IL4I1: variants seen among roughly 807,000 people sequenced by gnomAD.
IL4I1 encodes L-amino-acid oxidase.
In IL4I1, 24 loss-of-function variants were observed where a neutral mutation model predicts 29.7. That is an observed-to-expected ratio of 0.81 (90% confidence interval 0.59 to 1.14). The LOEUF (loss-of-function observed/expected upper bound fraction) is 1.14, where lower values mean the gene tolerates loss of function less well. Ranked by LOEUF, IL4I1 falls within the 50% of genes most tolerant of loss-of-function variation. The pLI is 0.00. For synonymous variants in IL4I1, 371 were observed against 352.5 expected, an observed-to-expected ratio of 1.05 and a Z score of -0.59; for missense variants, 686 against 785.6, an observed-to-expected ratio of 0.87 and a Z score of 1.52.
chr19:49,920,333 G>A (rs939635189), intron 2 of IL4I1, among the ~76,000 whole-genome samples: 10 of 152,130 alleles, frequency 6.6e-5, no homozygotes, highest in African/African-American at 1.2e-4. Context: ...CGCCCACCTC[G>A]GTCTCCCAAG....
intron 2 of IL4I1, among the ~76,000 whole-genome samples, chr19:49,906,400 C>T (rs959455130): frequency 2.0e-5 from 3 of 152,154 alleles, no homozygotes; most frequent in Non-Finnish European, 2.9e-5. Flanking sequence ...TTTATAGAGA[C>T]GGGGTTTCAC....
chr19:49,894,229 G>A, intron 5 of IL4I1, 39 bp downstream of exon 5: 2 of 1,588,434 alleles, frequency 1.3e-6, no homozygotes, highest in Non-Finnish European at 1.7e-6. Context: ...GAGGAGGACA[G>A]AGAAGTCAGG....
At chr19:49,923,407 G>A (rs2075810768) in intron 2 of IL4I1, among the ~76,000 whole-genome samples, 1 of 152,218 alleles carries the variant, frequency 6.6e-6, no homozygotes. Context: ...ACAGGGCGGG[G>A]GGTTGTGGGG....
chr19:49,890,268 A>G lies in IL4I1; in HGVS notation c.1106T>C (p.Ile369Thr), dbSNP rs1381996665. 7.6e-6 allele frequency: 12 copies of G among 1,587,232 alleles called. No individual in the cohort carries two copies. Among genetic ancestry groups the G allele is most frequent in the Non-Finnish European group, 1.0e-5 (12 of 1,167,656 alleles). The change falls in exon 8 of 8, where the codon ATT (isoleucine) becomes ACT (threonine). Residue 369 changes from isoleucine (I) to threonine (T), a missense_variant. Transcript: ENST00000391826. ...FRRPFWREEH[I>T]EGGHSNTDRP... ...ATCGGTGTTTGAGTGGCCGCCTTCA[A>G]TGTGCTCCTCGCGCCAGAAGGGCCT...
At chr19:49,915,319 A>C (rs1350217603) in intron 2 of IL4I1, among the ~76,000 whole-genome samples, 1 of 152,184 alleles carries the variant, frequency 6.6e-6, no homozygotes, top group Non-Finnish European at 1.5e-5. Context: ...GGGGTTCTTC[A>C]GGGAGGCAGG....
At chr19:49,912,343 A>G (rs186168838) in intron 2 of IL4I1, among the ~76,000 whole-genome samples, 605 of 151,958 alleles carry the variant, frequency 4.0e-3, no homozygotes, top group Non-Finnish European at 6.3e-3. Context: ...TAATTTTTGT[A>G]TTTTTAGTAG....
Position 49,889,784 on chromosome 19 carries a change from C to A in IL4I1, c.1590G>T (p.Val530=). ...GCGAGGGGCTGCTGGCCACCCCATG[C>A]ACATGCCCCTGCCCCTCCATGTCAG... The part of the protein sequence containing the change: ...HASDMEGQGH[V]HGVASSPSHD... The change falls in exon 8 of 8, where the codon GTG becomes GTT. Residue 530 remains valine, a synonymous_variant. Coordinates refer to ENST00000391826, the MANE Select transcript of IL4I1 (RefSeq NM_152899.2). 2 of 1,536,312 alleles carry A rather than the reference C, an allele frequency of 1.3e-6. No individual in the cohort carries two copies. Among genetic ancestry groups the A allele is most frequent in the Non-Finnish European group, 1.8e-6 (2 of 1,141,490 alleles).
rs532743748 is a variant in IL4I1 at position 49,919,602 on chromosome 19, T to G, written c.-228+8092A>C. On this transcript the variant is annotated intron_variant, in intron 2 of 9. Coordinates refer to the IL4I1 transcript ENST00000341114. Reference sequence around the variant, plus strand: ...TTCAACCTTCTCTCCTGCTTTCCCCTGAAGTCACCTGACGGCTAATTAGCA... The same window carrying G: ...TTCAACCTTCTCTCCTGCTTTCCCCGGAAGTCACCTGACGGCTAATTAGCA... 2.0e-5 allele frequency among the ~76,000 whole-genome samples: 3 copies of G among 152,284 alleles called. No homozygotes were observed. The East Asian group carries it at 5.8e-4, about 29-fold the overall frequency.
intron 2 of IL4I1, among the ~76,000 whole-genome samples, chr19:49,915,458 C>A (rs1375453146): frequency 6.6e-6 from 1 of 152,182 alleles, no homozygotes; most frequent in Non-Finnish European, 1.5e-5. Context: ...AGGACATAGC[C>A]TCTCCCCTAG....
At chr19:49,898,171 A>C (rs2075235803), upstream of IL4I1, among the ~76,000 whole-genome samples, 1 of 151,942 alleles carries the variant, frequency 6.6e-6, no homozygotes, top group African/African-American at 2.4e-5. Flanking sequence ...AAATATAAAA[A>C]TTAGCCGGGC....
In IL4I1 at chr19:49,890,456, C is replaced by G; in HGVS notation, c.918G>C (p.Pro306=). Residue 306 remains proline, a synonymous_variant, in exon 8 of 8, where the codon CCG becomes CCC. Coordinates refer to ENST00000391826, the MANE Select transcript of IL4I1 (RefSeq NM_152899.2). ...DVHVQIETSP[P]ARNLKVLKAD... ...CCTTCAGCACCTTCAGATTCCGCGC[C>G]GGGGGAGAGGTCTCGATCTGCACGT... is the stretch of plus-strand genomic sequence containing the variant. 6.2e-7 allele frequency: 1 copy of G among 1,611,934 alleles called. No individual in the cohort carries two copies. Among genetic ancestry groups the G allele is most frequent in the Non-Finnish European group, 8.5e-7 (1 of 1,179,780 alleles).
rs188796603 is a variant in IL4I1, at chr19:49,893,711, G to A, written c.567+557C>T. On this transcript the variant is annotated intron_variant, in intron 5 of 7. Coordinates refer to ENST00000391826, the MANE Select transcript of IL4I1 (RefSeq NM_152899.2). ...GAAGCTAAAGAAGGGAGTTGGGGCC[G>A]GGGGCAGTGGCTCACGCCTGTAATC... Among the ~76,000 whole-genome samples the A allele has an allele frequency of 1.8e-3, 274 of 152,094 alleles. 2 individuals carry two copies. The Middle Eastern group carries it at 0.034, about 19-fold the overall frequency.
chr19:49,920,048 C>T (rs1273259977), intron 2 of IL4I1, among the ~76,000 whole-genome samples: 2 of 152,128 alleles, frequency 1.3e-5, no homozygotes, highest in South Asian at 2.1e-4. Context: ...CTCAGCCTCC[C>T]TAATAGCTGG....
intron 3 of IL4I1, among the ~76,000 whole-genome samples, chr19:49,902,776 G>A (rs1039856709): frequency 1.3e-5 from 2 of 151,424 alleles, no homozygotes; most frequent in African/African-American, 4.9e-5. Flanking sequence ...GTCGCTATGA[G>A]TTGAGATCAT....
intron 2 of IL4I1, among the ~76,000 whole-genome samples, chr19:49,920,708 A>G (rs1468856231): frequency 6.6e-6 from 1 of 152,210 alleles, no homozygotes; most frequent in Non-Finnish European, 1.5e-5. Context: ...CTGGTTGAGA[A>G]CAGGCTGGGG....
At chr19:49,896,581 C>G (rs932150552) in intron 1 of IL4I1, among the ~76,000 whole-genome samples, 2 of 152,106 alleles carry the variant, frequency 1.3e-5, no homozygotes, top group African/African-American at 2.4e-5. Flanking sequence ...TTACAGACAC[C>G]CATAACCAAA....
intron 2 of IL4I1, chr19:49,908,676 C>G: frequency 6.2e-7 from 1 of 1,612,196 alleles, no homozygotes. Flanking sequence ...TTCTCCACCT[C>G]GCGGTGCAGG....
intron 2 of IL4I1, among the ~76,000 whole-genome samples, chr19:49,926,533 A>AAAACC (rs150522332): frequency 1.3e-5 from 2 of 151,618 alleles, no homozygotes; most frequent in East Asian, 2.0e-4. Context: ...CTGTCTCAAA[A>AAAACC]AAACCAAACC....
rs751639263 is a variant in IL4I1, at chr19:49,891,435, C to A, written c.606G>T (p.Ala202=). 1 of 1,614,068 alleles carries A rather than the reference C, an allele frequency of 6.2e-7. No homozygotes were observed. The highest frequency in any genetic ancestry group is 8.5e-7 in the Non-Finnish European group (1 of 1,180,044). Residue 202 remains alanine, a synonymous_variant, in exon 6 of 8, where the codon GCG becomes GCT. Transcript: ENST00000391826. Reference sequence around the variant, plus strand: ...GCGTGTGCCTTTCAAACTTCTTCATCGCCTTTCTGCAGCCCAGTGCCTTGA... The same window carrying A: ...GCGTGTGCCTTTCAAACTTCTTCATAGCCTTTCTGCAGCCCAGTGCCTTGA... ...KDLKALGCRK[A]MKKFERHTLL...
Sources: allele counts gnomAD v4.1 joint callset (sites outside exome capture counted in the v4.1 genomes callset), GRCh38; gene constraint gnomAD v4.1.1; transcripts MANE v1.5; gene names NCBI Gene and HGNC (gene_info 2026-07-23, HGNC 2026-07-21).